Variants in ADD3 observed in about 807,000 individuals in gnomAD.
ADD3 encodes the protein gamma-adducin.
ADD3 carries 25 observed loss-of-function variants against 80.2 expected under a neutral mutation model. The ratio of observed to expected loss-of-function variants is 0.31; its 90% CI spans 0.23 to 0.44. The LOEUF (loss-of-function observed/expected upper bound fraction) is 0.44, where lower values mean the gene tolerates loss of function less well. Ranked by LOEUF, ADD3 falls within the 20% of genes least tolerant of loss-of-function variation. The probability of loss-of-function intolerance (pLI) is 1.00; values close to 1 mark genes in which losing one functional copy is unlikely to be tolerated. For synonymous variants in ADD3, 284 were observed against 289.6 expected (o/e 0.98, Z 0.20); for missense variants, 829 against 847.5 (o/e 0.98, Z 0.27).
At chr10:110,065,491 TC>T (rs1843791001) in intron 1 of ADD3, among the ~76,000 whole-genome samples, 1 of 950 alleles carries the variant, frequency 1.1e-3, no homozygotes, top group African/African-American at 1.2e-3. Context: ...TCTGTCTGTC[TC>T]TCTCTCTCTC....
chr10:110,090,957 T>C (rs1180677190), intron 1 of ADD3, among the ~76,000 whole-genome samples: 1 of 152,224 alleles, frequency 6.6e-6, no homozygotes, highest in Non-Finnish European at 1.5e-5. Context: ...GTTTAGAATT[T>C]AGTTTTATTT....
chr10:110,066,938 T>C (rs2133589949), intron 1 of ADD3, among the ~76,000 whole-genome samples: 2 of 152,340 alleles, frequency 1.3e-5, no homozygotes, highest in Middle Eastern at 3.4e-3. Flanking sequence ...TAGCTACAAA[T>C]TTTTGTTTAC....
chr10:110,037,553 C>T (rs992858306), intron 1 of ADD3, among the ~76,000 whole-genome samples: 8 of 146,300 alleles, frequency 5.5e-5, no homozygotes, highest in African/African-American at 1.8e-4. Flanking sequence ...TGCAGTGAGC[C>T]GAGATCTCGC....
At chr10:110,031,214 A>C (rs1854980266) in intron 1 of ADD3, among the ~76,000 whole-genome samples, 1 of 152,218 alleles carries the variant, frequency 6.6e-6, no homozygotes, top group South Asian at 2.1e-4. Context: ...GGGAGGTTGC[A>C]GTGAGCTGAG....
chr10:110,109,868 C>T (rs568931076), intron 2 of ADD3, among the ~76,000 whole-genome samples: 1 of 151,450 alleles, frequency 6.6e-6, no homozygotes, highest in Admixed American at 6.5e-5. Context: ...CTTATCTTCA[C>T]AGGGTCTTGG....
chr10:110,003,933 G>C (rs1001900508), upstream of ADD3, among the ~76,000 whole-genome samples: 2 of 152,114 alleles, frequency 1.3e-5, no homozygotes, highest in Admixed American at 1.3e-4. Flanking sequence ...GTCAGTTTCT[G>C]GATATGTTGG....
intron 1 of ADD3, among the ~76,000 whole-genome samples, chr10:110,047,028 C>T (rs1037587337): frequency 6.6e-6 from 1 of 151,846 alleles, no homozygotes; most frequent in Non-Finnish European, 1.5e-5. Flanking sequence ...TAGTTTTCAC[C>T]CCAGAGACAG....
At chr10:110,001,095 T>C (rs1319815831), upstream of ADD3, among the ~76,000 whole-genome samples, 2 of 152,136 alleles carry the variant, frequency 1.3e-5, no homozygotes, top group Non-Finnish European at 2.9e-5. Context: ...CTCACAACAA[T>C]GTCAAACAGG....
chr10:110,069,092 C>T (rs916466591), intron 1 of ADD3, among the ~76,000 whole-genome samples: 3 of 151,830 alleles, frequency 2.0e-5, no homozygotes, highest in Non-Finnish European at 4.4e-5. Flanking sequence ...AAAAAAATTG[C>T]CTGTATCTCA....
rs139595633 is a variant in ADD3 at position 110,132,374 on chromosome 10, C to A, written c.1802C>A (p.Pro601Gln). The A allele has an allele frequency of 7.4e-6, 12 of 1,613,204 alleles. No homozygotes were observed. Among genetic ancestry groups the A allele is most frequent in the Non-Finnish European group, 1.0e-5 (12 of 1,179,306 alleles). The change falls in exon 14 of 15, where the codon CCG becomes CAG. Residue 601 changes from proline to glutamine, a missense_variant. Physicochemically the swap from Pro to Gln is moderately conservative, Grantham distance 76. Coordinates refer to ENST00000356080, the MANE Select transcript of ADD3 (RefSeq NM_016824.5). ...CAAATTCAGTCTCAAACTCAGTCAC[C>A]GCAAAATGTCCCTGAAAAATTAGAA... ...VSQIQSQTQS[P>Q]QNVPEKLEEN... is the part of the protein sequence containing the mutation.
At chr10:110,016,650 C>G (rs1038182420) in intron 1 of ADD3, 1 of 152,106 alleles carries the variant, frequency 6.6e-6, no homozygotes, top group Non-Finnish European at 1.5e-5. Flanking sequence ...TTGAATACTT[C>G]GATTGTTTTT....
intron 2 of ADD3, among the ~76,000 whole-genome samples, chr10:110,110,286 A>C (rs1248768276): frequency 6.6e-6 from 1 of 152,208 alleles, no homozygotes; most frequent in Non-Finnish European, 1.5e-5. Flanking sequence ...TCCATATCCA[A>C]GATGGGTGTG....
chr10:110,095,282 T>G (rs958314365), intron 1 of ADD3, among the ~76,000 whole-genome samples: 3 of 152,228 alleles, frequency 2.0e-5, no homozygotes, highest in Non-Finnish European at 1.5e-5. Context: ...TCAGTGGTTT[T>G]TAATATAGTC....
upstream of ADD3, among the ~76,000 whole-genome samples, chr10:110,006,612 TA>T: frequency 6.6e-6 from 1 of 152,294 alleles, no homozygotes; most frequent in East Asian, 1.9e-4. Flanking sequence ...GGTGGTAGAC[TA>T]AAATTTCTAC....
Position 110,119,358 on chromosome 10 carries a change from T to A in ADD3, c.861+4T>A, listed in dbSNP as rs768718996. 6.2e-7 allele frequency: 1 copy of A among 1,613,892 alleles called. No homozygotes were observed. Among genetic ancestry groups the A allele is most frequent in the East Asian group, 2.2e-5 (1 of 44,866 alleles). On this transcript the variant is annotated splice_donor_region_variant and intron_variant, in intron 7 of 14. Transcript: ENST00000356080. Reference sequence around the variant, plus strand: ...GGTTCTGGGACCAAGTTGTAAGGTATGTAGTAGAGTTTGTCTAAGGAGCTA... The same window carrying A: ...GGTTCTGGGACCAAGTTGTAAGGTAAGTAGTAGAGTTTGTCTAAGGAGCTA...
In ADD3 at chr10:110,043,304, C is replaced by T. The variant is rs145762024; in HGVS notation, c.-30+35005C>T. On this transcript the variant is annotated intron_variant, in intron 1 of 14. Transcript: ENST00000356080. ...TAACTTAAATAAAGAAATTGACCTCCTCCCAGGTTTCTTTTTTTTAAACAA... is the reference window on the plus strand; with the variant it reads ...TAACTTAAATAAAGAAATTGACCTCTTCCCAGGTTTCTTTTTTTTAAACAA... Among the ~76,000 whole-genome samples, 1,120 of 152,244 alleles carry T rather than the reference C, an allele frequency of 7.4e-3. 15 individuals are homozygous for T. The highest frequency in any genetic ancestry group is 8.6e-3 in the Non-Finnish European group (588 of 68,016).
intron 1 of ADD3, among the ~76,000 whole-genome samples, chr10:110,085,437 A>G (rs919806344): frequency 4.6e-5 from 7 of 152,246 alleles, no homozygotes; most frequent in African/African-American, 1.7e-4. Context: ...AGAAATGGGC[A>G]ATAGGAATGA....
intron 1 of ADD3, among the ~76,000 whole-genome samples, chr10:110,028,173 T>C (rs1038968345): frequency 1.1e-4 from 17 of 152,224 alleles, no homozygotes; most frequent in South Asian, 2.1e-4. Flanking sequence ...TTAGTAAATA[T>C]GTATTGAATA....
chr10:110,117,346 G>C lies in ADD3; in HGVS notation c.491G>C (p.Arg164Thr), dbSNP rs540016358. The C allele has an allele frequency of 1.3e-6, 2 of 1,577,472 alleles. No individual in the cohort carries two copies. The highest frequency in any genetic ancestry group is 2.3e-5 in the South Asian group (2 of 88,090). The change falls in exon 5 of 15, where the codon AGA becomes ACA. Residue 164 changes from arginine (R) to threonine (T), a missense_variant. Physicochemically the swap from Arg to Thr is moderately conservative, Grantham distance 71. Transcript: ENST00000356080. ...CCCTGTTGTTTTTTTTTCCAGGTAA[G>C]AATAAGTAAGGAGCAAGACCACATT... Reference protein sequence around the residue: ...AHLANTYISVRISKEQDHIII... With the variant: ...AHLANTYISVTISKEQDHIII...
Sources: allele counts gnomAD v4.1 joint callset (sites outside exome capture counted in the v4.1 genomes callset), GRCh38; gene constraint gnomAD v4.1.1; transcripts MANE v1.5; gene names NCBI Gene and HGNC (gene_info 2026-07-23, HGNC 2026-07-21).